Variants in PRPSAP1 observed in about 807,000 individuals in gnomAD.
PRPSAP1 encodes the protein phosphoribosyl pyrophosphate synthetase associated protein 1.
PRPSAP1 carries 31 observed loss-of-function variants against 39.4 expected under a neutral mutation model. That is an observed-to-expected ratio of 0.79 (90% confidence interval 0.59 to 1.06). The LOEUF (loss-of-function observed/expected upper bound fraction) is 1.06, where lower values mean the gene tolerates loss of function less well. PRPSAP1 is among the 50% of genes least tolerant of loss of function. The probability of loss-of-function intolerance (pLI) is 0.00; values close to 1 mark genes in which losing one functional copy is unlikely to be tolerated. For missense variants in PRPSAP1, 430 were observed against 511.6 expected (o/e 0.84, Z 1.54); for synonymous variants, 212 against 192.6 (o/e 1.10, Z -0.83).
chr17:76,330,264 T>G (rs974788622), intron 5 of PRPSAP1, 166 bp from the exon 6 acceptor site: 1 of 627,986 alleles, frequency 1.6e-6, no homozygotes, highest in Non-Finnish European at 2.7e-6. Flanking sequence ...TTAACATCAC[T>G]GGAAAAAGCA....
intron 2 of PRPSAP1, among the ~76,000 whole-genome samples, chr17:76,346,315 T>C (rs1455521473): frequency 6.6e-6 from 1 of 152,184 alleles, no homozygotes; most frequent in Non-Finnish European, 1.5e-5. Context: ...CTTTCCCTTC[T>C]AGTTTTGAGA....
chr17:76,329,042 G>T, intron 6 of PRPSAP1, 180 bp from the exon 7 acceptor site: 2 of 658,338 alleles, frequency 3.0e-6, no homozygotes, highest in Non-Finnish European at 4.8e-6. Context: ...GGGCACGTGA[G>T]TTAGGGTTTG....
intron 7 of PRPSAP1, among the ~76,000 whole-genome samples, chr17:76,325,070 A>C (rs1380689023): frequency 3.1e-5 from 1 of 32,022 alleles, no homozygotes; most frequent in South Asian, 7.6e-4. Context: ...GTCTCAAAAC[A>C]AAAAAAAAAA....
At chr17:76,324,522 A>G (rs2071231041) in intron 7 of PRPSAP1, among the ~76,000 whole-genome samples, 1 of 151,676 alleles carries the variant, frequency 6.6e-6, no homozygotes. Flanking sequence ...AATCACTTAA[A>G]TCCAGGAGGT....
At chr17:76,330,193 A>AC in intron 5 of PRPSAP1, 95 bp from the exon 6 acceptor site, 2 of 1,075,628 alleles carry the variant, frequency 1.9e-6, no homozygotes, top group South Asian at 2.8e-5. Flanking sequence ...AATGATCCAA[A>AC]CTAGTCATCA....
At chr17:76,351,603 C>T (rs938819437) in intron 1 of PRPSAP1, among the ~76,000 whole-genome samples, 1 of 152,142 alleles carries the variant, frequency 6.6e-6, no homozygotes, top group African/African-American at 2.4e-5. Context: ...AGGAGAATCG[C>T]TTGAACTTGG....
At chr17:76,312,738 C>A in intron 9 of PRPSAP1, 132 bp downstream of exon 9, 1 of 1,205,820 alleles carries the variant, frequency 8.3e-7, no homozygotes, top group Non-Finnish European at 1.1e-6. Context: ...GTATCTGTCC[C>A]AACGAACTGC....
intron 7 of PRPSAP1, among the ~76,000 whole-genome samples, chr17:76,326,930 GA>G (rs879869187): frequency 0.013 from 1,931 of 145,062 alleles, 41 homozygotes; most frequent in African/African-American, 0.045. Context: ...TCAAATGGTG[GA>G]AAAAAAAAAA....
At position 76,353,887 on chromosome 17, in the gene PRPSAP1, G is replaced by C. The variant is rs1048284086; in HGVS notation, c.-184C>G. 26 of 1,327,926 alleles carry C rather than the reference G, an allele frequency of 2.0e-5. No homozygotes were observed. The highest frequency in any genetic ancestry group is 2.8e-4 in the Middle Eastern group (1 of 3,540). The allele number at this position is 1,327,926 out of a possible 1,614,324, so 82.3% of individuals were successfully genotyped here. On this transcript the variant is annotated 5_prime_UTR_variant, in exon 1 of 10. Transcript: ENST00000446526. ...ACTACAGCGGCCGAGCCTTCGCAGC[G>C]CCCGGCGCCGCCGCCTCAGAGCCAG...
At chr17:76,313,422 C>A in intron 8 of PRPSAP1, 1 of 239,134 alleles carries the variant, frequency 4.2e-6, no homozygotes, top group Non-Finnish European at 8.1e-6. Context: ...ATATTTAGAG[C>A]TGGGAAAAAA....
intron 7 of PRPSAP1, among the ~76,000 whole-genome samples, chr17:76,324,309 A>G (rs1262627919): frequency 6.7e-6 from 1 of 148,970 alleles, no homozygotes; most frequent in Non-Finnish European, 1.5e-5. Flanking sequence ...ATTTTAAAAA[A>G]TGCTGTCAGC....
At chr17:76,341,283 G>A (rs2071435851) in intron 3 of PRPSAP1, among the ~76,000 whole-genome samples, 1 of 147,240 alleles carries the variant, frequency 6.8e-6, no homozygotes, top group African/African-American at 2.6e-5. Context: ...TGTTGCCCAG[G>A]TTAGAGTAGA....
chr17:76,334,515 A>G (rs972140160), intron 3 of PRPSAP1, among the ~76,000 whole-genome samples: 1 of 152,146 alleles, frequency 6.6e-6, no homozygotes, highest in African/African-American at 2.4e-5. Context: ...GATTTCAAAG[A>G]CATCCTTTTA....
At chr17:76,322,714 A>G (rs906989204) in intron 7 of PRPSAP1, among the ~76,000 whole-genome samples, 2 of 152,130 alleles carry the variant, frequency 1.3e-5, no homozygotes, top group Admixed American at 1.3e-4. Flanking sequence ...GCTTGGGCAC[A>G]GTGGCTCATA....
At chr17:76,347,685 GT>G (rs796958667) in intron 2 of PRPSAP1, among the ~76,000 whole-genome samples, 20 of 152,052 alleles carry the variant, frequency 1.3e-4, no homozygotes, top group African/African-American at 4.6e-4. Flanking sequence ...TCATCTACTT[GT>G]TTTAAAAAGA....
Position 76,319,089 on chromosome 17 carries a change from G to A in PRPSAP1, c.782-5198C>T, listed in dbSNP as rs187985454. ...CAAGTAGCTGGGATTACAGATGTGT[G>A]CCACCAGGCCTGGCTAATTTTTGTA... On this transcript the variant is annotated intron_variant, in intron 7 of 9. Transcript: ENST00000446526. 6.0e-3 allele frequency among the ~76,000 whole-genome samples: 911 copies of A among 152,118 alleles called. 13 individuals carry two copies. Among genetic ancestry groups the A allele is most frequent in the South Asian group, 0.024 (115 of 4,812 alleles).
intron 4 of PRPSAP1, 75 bp from the exon 5 acceptor site, chr17:76,330,741 T>C (rs1454147408): frequency 1.2e-6 from 1 of 846,036 alleles, no homozygotes; most frequent in Non-Finnish European, 1.9e-6. Context: ...AACTAGATGC[T>C]CAACTCCTGC....
At chr17:76,320,673 G>A (rs1425112624) in intron 7 of PRPSAP1, among the ~76,000 whole-genome samples, 3 of 150,530 alleles carry the variant, frequency 2.0e-5, no homozygotes, top group Non-Finnish European at 4.4e-5. Flanking sequence ...GACCTCAGCT[G>A]ATGCACCCAC....
chr17:76,348,160 AAAATAAAT>A (rs374946298), intron 2 of PRPSAP1, among the ~76,000 whole-genome samples: 16 of 149,248 alleles, frequency 1.1e-4, no homozygotes, highest in South Asian at 2.1e-4. Context: ...CATCTTAATA[AAAATAAAT>A]AAATAAATAA....
Sources: allele counts gnomAD v4.1 joint callset (sites outside exome capture counted in the v4.1 genomes callset), GRCh38; gene constraint gnomAD v4.1.1; transcripts MANE v1.5; gene names NCBI Gene and HGNC (gene_info 2026-07-23, HGNC 2026-07-21).